DIAPH1: variants seen among roughly 807,000 people sequenced by gnomAD.
DIAPH1 encodes protein diaphanous homolog 1.
In DIAPH1, 46 loss-of-function variants were observed where a neutral mutation model predicts 140.7. That is an observed-to-expected ratio of 0.33 (90% CI 0.26 to 0.42). DIAPH1 has a LOEUF of 0.42. DIAPH1 is among the 10% of genes least tolerant of loss of function. The probability of loss-of-function intolerance (pLI) is 1.00; values close to 1 mark genes in which losing one functional copy is unlikely to be tolerated. For synonymous variants in DIAPH1, 565 were observed against 551.6 expected (o/e 1.02, Z -0.34); for missense variants, 1,310 against 1,558.7 (o/e 0.84, Z 2.69).
chr5:141,562,168 G>A (rs1340823414), intron 18 of DIAPH1, among the ~76,000 whole-genome samples: 1 of 151,422 alleles, frequency 6.6e-6, no homozygotes, highest in Non-Finnish European at 1.5e-5. Context: ...AAAAGGACAT[G>A]TATACATGCT....
rs1436832097 is a variant in DIAPH1, at chr5:141,618,868, T to C, written c.47A>G (p.Asp16Gly). The change falls in exon 1 of 28, where the codon GAC (aspartate) becomes GGC (glycine). Residue 16 changes from aspartate to glycine, a missense_variant. Coordinates refer to ENST00000389054, the MANE Select transcript of DIAPH1 (RefSeq NM_005219.5). ...ATCTGGGCTCCGGCCCTTCTTCTTG[T>C]CCCGGGTCCCGCGGCCGGGCCCCAG... ...GSLGPGRGTRDKKKGRSPDEL... is the reference protein window; with the variant it reads ...GSLGPGRGTRGKKKGRSPDEL... The C allele has an allele frequency of 3.3e-6, 5 of 1,523,884 alleles. No homozygotes were observed. The highest frequency in any genetic ancestry group is 4.4e-6 in the Non-Finnish European group (5 of 1,135,526). 94.4% of individuals were successfully genotyped at this position (1,523,884 alleles called of 1,614,324 possible). A position where few individuals can be genotyped will look rare whatever the true frequency, so the allele number is the denominator to read the frequency against.
In DIAPH1 at chr5:141,566,895, AAAAACAAAAC is replaced by A. The variant is rs10646063; in HGVS notation, c.2482+4523_2482+4532del. 3.1e-4 allele frequency among the ~76,000 whole-genome samples: 46 copies of A among 149,976 alleles called. 1 individual carries two copies. Among genetic ancestry groups the A allele is most frequent in the East Asian group, 3.0e-3 (15 of 5,056 alleles). The stretch of plus-strand genomic sequence containing the variant: ...GGGCAACAGAGCAAGACTCCATCTC[AAAAACAAAAC>A]AAAACAAAACAAAACAAAACAAAAC... On this transcript the variant is annotated intron_variant, in intron 18 of 27. Coordinates refer to ENST00000389054, the MANE Select transcript of DIAPH1 (RefSeq NM_005219.5).
intron 18 of DIAPH1, among the ~76,000 whole-genome samples, chr5:141,538,348 C>CCGTGCCCAGCCCACCTGGCTAACA (rs2099889405): frequency 6.7e-6 from 1 of 149,204 alleles, no homozygotes; most frequent in Non-Finnish European, 1.5e-5. Flanking sequence ...GCGTGAGCCA[C>CCGTGCCCAGCCCACCTGGCTAACA]TTCGCTCGGC....
At chr5:141,544,492 C>CAATTA (rs2099890486) in intron 18 of DIAPH1, among the ~76,000 whole-genome samples, 1 of 151,820 alleles carries the variant, frequency 6.6e-6, no homozygotes, top group African/African-American at 2.4e-5. Flanking sequence ...CTAGTATACC[C>CAATTA]AACACAGATT....
chr5:141,542,040 T>A (rs1031526192), intron 18 of DIAPH1, among the ~76,000 whole-genome samples: 8 of 152,204 alleles, frequency 5.3e-5, no homozygotes, highest in African/African-American at 1.9e-4. Context: ...AATCCACTCC[T>A]AAGGCATATA....
chr5:141,580,620 G>A, intron 8 of DIAPH1, 124 bp downstream of exon 8: 1 of 967,638 alleles, frequency 1.0e-6, no homozygotes, highest in Non-Finnish European at 1.6e-6. Context: ...TCACTTCTGG[G>A]AAGAAACACA....
At chr5:141,537,537 A>G (rs1025089575) in intron 18 of DIAPH1, among the ~76,000 whole-genome samples, 6 of 151,136 alleles carry the variant, frequency 4.0e-5, no homozygotes, top group Non-Finnish European at 7.4e-5. Context: ...TTTGTGGAAG[A>G]TATGACTATA....
chr5:141,575,783 A>C (rs2099895876), intron 14 of DIAPH1, among the ~76,000 whole-genome samples: 1 of 152,250 alleles, frequency 6.6e-6, no homozygotes. Context: ...GAGGACGACC[A>C]TGGTAGTACA....
chr5:141,618,876 C>A lies in DIAPH1; in HGVS notation c.39G>T (p.Gly13=), dbSNP rs764820824. The change falls in exon 1 of 28, where the codon GGG becomes GGT. Residue 13 remains glycine, a synonymous_variant. Transcript: ENST00000389054. The part of the protein sequence containing the change: ...PPGGSLGPGR[G]TRDKKKGRSP... ...TCCGGCCCTTCTTCTTGTCCCGGGT[C>A]CCGCGGCCGGGCCCCAGGCTCCCGC... 6.6e-6 allele frequency: 10 copies of A among 1,522,030 alleles called. No individual in the cohort carries two copies. In the South Asian group the frequency reaches 8.7e-5, roughly 13 times the overall value. 94.3% of individuals were successfully genotyped at this position (1,522,030 alleles called of 1,614,324 possible). A position where few individuals can be genotyped will look rare whatever the true frequency, so the allele number is the denominator to read the frequency against.
intron 21 of DIAPH1, 69 bp from the exon 22 acceptor site, chr5:141,529,010 A>C: frequency 6.2e-7 from 1 of 1,610,376 alleles, no homozygotes; most frequent in South Asian, 1.1e-5. Context: ...TACACGCTTG[A>C]GCCTCCTATG....
At chr5:141,616,753 T>C (rs1325477462) in intron 1 of DIAPH1, among the ~76,000 whole-genome samples, 1 of 152,222 alleles carries the variant, frequency 6.6e-6, no homozygotes, top group Non-Finnish European at 1.5e-5. Flanking sequence ...CCTCATTACC[T>C]GAGCTATTTA....
In DIAPH1 at chr5:141,565,578, T is replaced by C. The variant is rs182722293; in HGVS notation, c.2482+5850A>G. On this transcript the variant is annotated intron_variant, in intron 18 of 27. Transcript: ENST00000389054. This position sits in a 1 kb window ranked among gnomAD's most constrained non-coding sequence, Gnocchi z 4.3. Reference sequence around the variant, plus strand: ...AGGTAAAAGTAATGATGGAAGTCTTTAGAAGTTCCTTTTTCTGATTGCTTC... The same window carrying C: ...AGGTAAAAGTAATGATGGAAGTCTTCAGAAGTTCCTTTTTCTGATTGCTTC... Among the ~76,000 whole-genome samples, 24 of 152,312 alleles carry C rather than the reference T, an allele frequency of 1.6e-4. No homozygotes were observed. Among genetic ancestry groups the C allele is most frequent in the African/African-American group, 5.1e-4 (21 of 41,562 alleles).
chr5:141,533,597 AAC>A (rs894487045), intron 19 of DIAPH1, among the ~76,000 whole-genome samples: 4 of 152,192 alleles, frequency 2.6e-5, no homozygotes, highest in Non-Finnish European at 4.4e-5. Context: ...CTGTAATCCC[AAC>A]ATATTGTGAG....
At chr5:141,522,354 C>CT in intron 27 of DIAPH1, among the ~76,000 whole-genome samples, 1 of 152,242 alleles carries the variant, frequency 6.6e-6, no homozygotes, top group South Asian at 2.1e-4. Flanking sequence ...AGGTCCTCTG[C>CT]TGGAAGGTTA....
intron 20 of DIAPH1, 86 bp from the exon 21 acceptor site, chr5:141,529,359 C>A (rs1216829358): frequency 9.1e-7 from 1 of 1,093,936 alleles, no homozygotes; most frequent in African/African-American, 1.5e-5. Context: ...GTCAGTCCCA[C>A]ACTCTGCTCA....
At chr5:141,587,392 C>T in intron 2 of DIAPH1, 195 bp from the exon 3 acceptor site, 1 of 615,284 alleles carries the variant, frequency 1.6e-6, no homozygotes, top group South Asian at 1.9e-5. Context: ...TCTGTACTCT[C>T]ATCTATGTTC....
intron 1 of DIAPH1, among the ~76,000 whole-genome samples, chr5:141,616,959 A>C (rs2099902781): frequency 6.6e-6 from 1 of 152,228 alleles, no homozygotes; most frequent in Non-Finnish European, 1.5e-5. Context: ...ACCTTACAGT[A>C]CCACACACAT....
At chr5:141,585,279 A>G (rs193945) in intron 3 of DIAPH1, among the ~76,000 whole-genome samples, 12 of 152,094 alleles carry the variant, frequency 7.9e-5, no homozygotes, top group African/African-American at 2.9e-4. Context: ...TCTTGCAGAT[A>G]AACTGAACAC....
chr5:141,528,129 C>T (rs771625090), intron 23 of DIAPH1, among the ~76,000 whole-genome samples: 10 of 152,082 alleles, frequency 6.6e-5, no homozygotes, highest in Non-Finnish European at 1.2e-4. Context: ...AGTTCCAGGA[C>T]AGTGAGGCCT....
Sources: allele counts gnomAD v4.1 joint callset (sites outside exome capture counted in the v4.1 genomes callset), GRCh38; gene constraint gnomAD v4.1.1; non-coding constraint Gnocchi (gnomAD v3.1); transcripts MANE v1.5; gene names NCBI Gene and HGNC (gene_info 2026-07-23, HGNC 2026-07-21).